Variants in ZPBP2 observed in about 807,000 individuals in gnomAD.
The protein encoded by ZPBP2 is zona pellucida binding protein 2, also known as zona pellucida-binding protein 2.
A neutral mutation model predicts 37.5 loss-of-function variants in ZPBP2; 34 were observed. The ratio of observed to expected loss-of-function variants is 0.91; its 90% CI spans 0.69 to 1.21. ZPBP2 has a LOEUF of 1.21. Among genes scored for constraint, ZPBP2 ranks in the 50% most tolerant of loss-of-function variants. The pLI, the probability that ZPBP2 is intolerant of heterozygous loss-of-function variation, is 0.00. For synonymous variants in ZPBP2, 143 were observed against 138.4 expected, an observed-to-expected ratio of 1.03 and a Z score of -0.23; for missense variants, 397 against 413.5, an observed-to-expected ratio of 0.96 and a Z score of 0.35.
chr17:39,869,989 C>G (rs1428668506), intron 2 of ZPBP2, among the ~76,000 whole-genome samples: 2 of 152,242 alleles, frequency 1.3e-5, no homozygotes, highest in Admixed American at 1.3e-4. Flanking sequence ...GCTGGGATTA[C>G]AGGCATGAGC....
At chr17:39,875,487 A>G in intron 7 of ZPBP2, 53 bp downstream of exon 7, 1 of 1,294,016 alleles carries the variant, frequency 7.7e-7, no homozygotes, top group Non-Finnish European at 1.0e-6. Flanking sequence ...TCAGAAGAAT[A>G]TATAAGTAAT....
chr17:39,872,569 T>C (rs1021010672), intron 5 of ZPBP2, 81 bp downstream of exon 5: 1 of 952,888 alleles, frequency 1.0e-6, no homozygotes, highest in Middle Eastern at 3.4e-4. Flanking sequence ...TAATATAAGA[T>C]ATTTTAAAAG....
At position 39,871,472 on chromosome 17, in the gene ZPBP2, A is replaced by C. The variant is rs148741007; in HGVS notation, c.253A>C (p.Arg85=). The change falls in exon 4 of 8, where the codon AGA becomes CGA. Residue 85 remains arginine, a synonymous_variant. Coordinates refer to ENST00000348931, the MANE Select transcript of ZPBP2 (RefSeq NM_199321.3). ...PNEKTLTGNN[R]INITETGQLM... ...TTTACTATTCTGTTTAGGAAATAAT[A>C]GAATAAATATAACTGAAACTGGACA... 1,299 of 1,581,002 alleles carry C rather than the reference A, an allele frequency of 8.2e-4. No individual in the cohort carries two copies. Among genetic ancestry groups the C allele is most frequent in the Non-Finnish European group, 1.0e-3 (1,215 of 1,167,024 alleles).
At chr17:39,870,471 G>A (rs2063359476) in intron 2 of ZPBP2, among the ~76,000 whole-genome samples, 1 of 152,052 alleles carries the variant, frequency 6.6e-6, no homozygotes, top group Admixed American at 6.5e-5. Flanking sequence ...GTGTAATATG[G>A]AAAAATATCA....
chr17:39,872,171 ATGGGAT>A, intron 4 of ZPBP2, 93 bp from the exon 5 acceptor site: 1 of 848,226 alleles, frequency 1.2e-6, no homozygotes, highest in Non-Finnish European at 1.8e-6. Context: ...TGCAAGATTG[ATGGGAT>A]TTAGTATTAC....
chr17:39,876,273 T>C (rs763820775), intron 7 of ZPBP2, among the ~76,000 whole-genome samples: 1 of 152,108 alleles, frequency 6.6e-6, no homozygotes, highest in Non-Finnish European at 1.5e-5. Context: ...CTTCCTGATG[T>C]ACTCTCTTGT....
In ZPBP2 at chr17:39,868,373, C is replaced by CTCT; in HGVS notation, c.20_21insCTT (p.Leu8dup). 1.9e-6 allele frequency: 3 copies of CTCT among 1,609,516 alleles called. No individual in the cohort carries two copies. Among genetic ancestry groups the CTCT allele is most frequent in the Non-Finnish European group, 2.5e-6 (3 of 1,179,836 alleles). Reference sequence around the variant, plus strand: ...CTGAGCGATGATGCGAACGTGCGTCCTACTCTCCGCGGTGCTCTGGTGCCT... The same window carrying CTCT: ...CTGAGCGATGATGCGAACGTGCGTCCTCTTACTCTCCGCGGTGCTCTGGTGCCT... On this transcript the variant is annotated inframe_insertion, in exon 1 of 8. Coordinates refer to ENST00000348931, the MANE Select transcript of ZPBP2 (RefSeq NM_199321.3).
chr17:39,871,338 G>A, intron 3 of ZPBP2, 126 bp from the exon 4 acceptor site: 2 of 544,592 alleles, frequency 3.7e-6, no homozygotes, highest in Non-Finnish European at 6.1e-6. Flanking sequence ...TTAAGATTTT[G>A]TGGGATCCTT....
chr17:39,872,645 A>C (rs1349932469), intron 5 of ZPBP2, among the ~76,000 whole-genome samples, 157 bp downstream of exon 5: 1 of 152,210 alleles, frequency 6.6e-6, no homozygotes, highest in African/African-American at 2.4e-5. Context: ...TTATGGTTTT[A>C]AAACTTAACA....
At chr17:39,868,839 T>C (rs1050636178) in intron 2 of ZPBP2, among the ~76,000 whole-genome samples, 3 of 152,192 alleles carry the variant, frequency 2.0e-5, no homozygotes, top group African/African-American at 7.2e-5. Flanking sequence ...AGGGCTGGGA[T>C]TTATTCCAGA....
intron 3 of ZPBP2, 32 bp from the exon 4 acceptor site, chr17:39,871,432 A>G (rs2063364057): frequency 1.4e-6 from 2 of 1,465,422 alleles, no homozygotes; most frequent in African/African-American, 2.9e-5. Context: ...GATATGTTAT[A>G]TGTTAAATAA....
At chr17:39,868,432 A>G in intron 1 of ZPBP2, 26 bp downstream of exon 1, 1 of 1,611,436 alleles carries the variant, frequency 6.2e-7, no homozygotes, top group Non-Finnish European at 8.5e-7. Flanking sequence ...CCCGGTCCCC[A>G]GGCCTCTCCC....
Position 39,868,339 on chromosome 17 carries a change from C to T in ZPBP2, c.-16C>T, listed in dbSNP as rs1315373749. 5 of 1,607,166 alleles carry T rather than the reference C, an allele frequency of 3.1e-6. No homozygotes were observed. The highest frequency in any genetic ancestry group is 1.3e-5 in the African/African-American group (1 of 74,902). ...GTCTGTCCCTCGACGCCTCCTGCGA[C>T]GCCAGCCCCTGAGCGATGATGCGAA... On this transcript the variant is annotated 5_prime_UTR_variant, in exon 1 of 8. The change creates a new upstream start codon in the 5' untranslated region. Transcript: ENST00000348931.
chr17:39,868,506 G>C, intron 1 of ZPBP2, 43 bp from the exon 2 acceptor site: 1 of 1,613,908 alleles, frequency 6.2e-7, no homozygotes, highest in South Asian at 1.1e-5. Flanking sequence ...TCTGAACCCT[G>C]CTCCTCTTCT....
intron 6 of ZPBP2, among the ~76,000 whole-genome samples, chr17:39,874,340 T>G (rs1395725036): frequency 1.3e-5 from 2 of 151,618 alleles, no homozygotes; most frequent in East Asian, 3.9e-4. Context: ...TCTTTGATGA[T>G]CATGGAAATT....
At chr17:39,873,191 C>G (rs747673317) in intron 6 of ZPBP2, 65 bp downstream of exon 6, 1 of 1,493,742 alleles carries the variant, frequency 6.7e-7, no homozygotes, top group Non-Finnish European at 9.1e-7. Flanking sequence ...GGGTGTCACC[C>G]AGGCTGGAGT....
intron 7 of ZPBP2, among the ~76,000 whole-genome samples, chr17:39,876,252 G>A (rs150803188): frequency 0.028 from 4,220 of 152,058 alleles, 78 homozygotes; most frequent in Non-Finnish European, 0.042. Flanking sequence ...TTATTTTAAT[G>A]TATATTAACT....
chr17:39,869,812 A>C (rs2063354631), intron 2 of ZPBP2, among the ~76,000 whole-genome samples: 1 of 148,634 alleles, frequency 6.7e-6, no homozygotes, highest in Non-Finnish European at 1.5e-5. Context: ...TCCTGGATTC[A>C]AGCAATTCTT....
At chr17:39,872,577 A>G in intron 5 of ZPBP2, 89 bp downstream of exon 5, 1 of 872,938 alleles carries the variant, frequency 1.1e-6, no homozygotes, top group Non-Finnish European at 1.7e-6. Flanking sequence ...GATATTTTAA[A>G]AGTAATAGGT....
Sources: allele counts gnomAD v4.1 joint callset (sites outside exome capture counted in the v4.1 genomes callset), GRCh38; gene constraint gnomAD v4.1.1; transcripts MANE v1.5; gene names NCBI Gene and HGNC (gene_info 2026-07-23, HGNC 2026-07-21).